IL1RAPL1: variants seen among roughly 807,000 people sequenced by gnomAD.
The protein encoded by IL1RAPL1 is interleukin 1 receptor accessory protein like 1.
In IL1RAPL1, 3 loss-of-function variants were observed where a neutral mutation model predicts 48.4. The ratio of observed to expected loss-of-function variants is 0.06; its 90% CI spans 0.03 to 0.16. The LOEUF (loss-of-function observed/expected upper bound fraction) is 0.16. Ranked by LOEUF, IL1RAPL1 falls within the 10% of genes least tolerant of loss-of-function variation. The pLI is 1.00. For synonymous variants in IL1RAPL1, 185 were observed against 187.7 expected, an observed-to-expected ratio of 0.99 and a Z score of 0.12; for missense variants, 349 against 530.6, an observed-to-expected ratio of 0.66 and a Z score of 3.36.
intron 2 of IL1RAPL1, among the ~76,000 whole-genome samples, chrX:28,948,388 C>A (rs772337501): frequency 9.0e-6 from 1 of 110,672 alleles, no homozygotes; most frequent in East Asian, 2.9e-4. Context: ...CTTCTTTAGA[C>A]CCATTCACTG....
At chrX:29,588,630 C>T (rs1313923739) in intron 5 of IL1RAPL1, among the ~76,000 whole-genome samples, 2 of 111,494 alleles carry the variant, frequency 1.8e-5, no homozygotes, top group Admixed American at 9.5e-5. Flanking sequence ...TACTATACTA[C>T]GATGGAAGAG....
rs191477057 is a variant in IL1RAPL1 at position 29,462,348 on chromosome X, G to T, written c.703+63040G>T. On this transcript the variant is annotated intron_variant, in intron 5 of 10. Coordinates refer to ENST00000378993, the MANE Select transcript of IL1RAPL1 (RefSeq NM_014271.4). ...CTGGCTTATAAGTTATAATTGCTCT[G>T]TGATAAAGGCGTATGCTTTCCTTCT... Among the ~76,000 whole-genome samples the T allele has an allele frequency of 1.3e-3, 148 of 111,437 alleles. 1 individual carries two copies. Among genetic ancestry groups the T allele is most frequent in the Middle Eastern group, 9.3e-3 (2 of 214 alleles).
intron 1 of IL1RAPL1, among the ~76,000 whole-genome samples, chrX:28,717,657 T>TA (rs1282988716): frequency 2.7e-5 from 3 of 111,235 alleles, no homozygotes; most frequent in Admixed American, 9.6e-5. Flanking sequence ...AATAAAAGAA[T>TA]AAAAAAAATC....
intron 5 of IL1RAPL1, among the ~76,000 whole-genome samples, chrX:29,468,453 T>C (rs1934886836): frequency 8.9e-6 from 1 of 112,373 alleles, no homozygotes; most frequent in South Asian, 3.7e-4. Flanking sequence ...TCTGCAGTAT[T>C]AATCCATCCT....
At chrX:29,056,155 C>T (rs1927209338) in intron 2 of IL1RAPL1, among the ~76,000 whole-genome samples, 1 of 111,121 alleles carries the variant, frequency 9.0e-6, no homozygotes, top group Non-Finnish European at 1.9e-5. Flanking sequence ...TATCAGAAAC[C>T]ATAGAAACTG....
rs151147441 is a variant in IL1RAPL1, at chrX:29,521,534, C to T, written c.703+122226C>T. On this transcript the variant is annotated intron_variant, in intron 5 of 10. Coordinates refer to ENST00000378993, the MANE Select transcript of IL1RAPL1 (RefSeq NM_014271.4). ...AAAAACATATCTAAAACACAAAGCCCGTGAACAGCACATGAAAGCTGGAAG... is the reference window on the plus strand; with the variant it reads ...AAAAACATATCTAAAACACAAAGCCTGTGAACAGCACATGAAAGCTGGAAG... Among the ~76,000 whole-genome samples the T allele has an allele frequency of 4.3e-3, 484 of 112,732 alleles. 2 individuals are homozygous for T. Among genetic ancestry groups the T allele is most frequent in the Non-Finnish European group, 7.5e-3 (398 of 53,329 alleles).
intron 6 of IL1RAPL1, among the ~76,000 whole-genome samples, chrX:29,677,561 G>T (rs1318168207): frequency 8.9e-6 from 1 of 111,894 alleles, no homozygotes; most frequent in Non-Finnish European, 1.9e-5. Context: ...ACCCCCATAA[G>T]TTTTCCCTGT....
chrX:29,228,136 CT>C (rs1218709695), intron 2 of IL1RAPL1, among the ~76,000 whole-genome samples: 2 of 104,607 alleles, frequency 1.9e-5, no homozygotes, highest in Non-Finnish European at 3.9e-5. Flanking sequence ...ATTCCAGAAA[CT>C]TTCCACGTGC....
intron 2 of IL1RAPL1, among the ~76,000 whole-genome samples, chrX:28,970,463 T>C (rs1404085960): frequency 8.9e-6 from 1 of 112,394 alleles, no homozygotes; most frequent in African/African-American, 3.2e-5. Flanking sequence ...GTATACTTTG[T>C]ATCAGTTATC....
At chrX:29,731,752 T>C (rs919579720) in intron 6 of IL1RAPL1, among the ~76,000 whole-genome samples, 5 of 112,117 alleles carry the variant, frequency 4.5e-5, no homozygotes, top group African/African-American at 1.6e-4. Context: ...CTTCCTCACT[T>C]ACTAAGCATG....
intron 5 of IL1RAPL1, among the ~76,000 whole-genome samples, chrX:29,432,672 AGGAATAGATAAGT>A (rs1303059036): frequency 8.9e-6 from 1 of 111,878 alleles, no homozygotes; most frequent in African/African-American, 3.2e-5. Flanking sequence ...TGCAGAGTAA[AGGAATAGATAAGT>A]GGAGAGATTT....
intron 6 of IL1RAPL1, among the ~76,000 whole-genome samples, chrX:29,680,492 G>GTC (rs1194521630): frequency 2.7e-4 from 30 of 110,772 alleles, no homozygotes; most frequent in African/African-American, 8.9e-4. Flanking sequence ...GCTGTTGTGT[G>GTC]TCTCTCTCTC....
intron 3 of IL1RAPL1, among the ~76,000 whole-genome samples, chrX:29,316,016 T>C (rs763513966): frequency 4.5e-5 from 5 of 111,951 alleles, no homozygotes; most frequent in Non-Finnish European, 7.5e-5. Flanking sequence ...TTTGAAAGTG[T>C]TGACTATAGG....
intron 2 of IL1RAPL1, among the ~76,000 whole-genome samples, chrX:29,122,423 A>T (rs1232401522): frequency 5.1e-5 from 5 of 98,206 alleles, no homozygotes; most frequent in African/African-American, 1.2e-4. Flanking sequence ...ACACACACAC[A>T]CACACACACA....
chrX:28,899,444 C>T (rs190736580), intron 2 of IL1RAPL1, among the ~76,000 whole-genome samples: 2 of 111,793 alleles, frequency 1.8e-5, no homozygotes, highest in East Asian at 5.7e-4. Context: ...AAGCATGAAC[C>T]GTGCCTGGCC....
At chrX:28,885,336 T>C (rs1160664030) in intron 2 of IL1RAPL1, among the ~76,000 whole-genome samples, 1 of 111,107 alleles carries the variant, frequency 9.0e-6, no homozygotes, top group Non-Finnish European at 1.9e-5. Context: ...TTTCAAGGAC[T>C]TTCGCAGTGT....
intron 2 of IL1RAPL1, among the ~76,000 whole-genome samples, chrX:28,812,171 C>T (rs1484993168): frequency 3.6e-5 from 4 of 110,698 alleles, no homozygotes; most frequent in African/African-American, 9.8e-5. Context: ...TATAAAGAAA[C>T]TTCTATGTGC....
At chrX:29,896,244 C>A (rs1932380744) in intron 6 of IL1RAPL1, among the ~76,000 whole-genome samples, 1 of 111,758 alleles carries the variant, frequency 8.9e-6, no homozygotes, top group Non-Finnish European at 1.9e-5. Flanking sequence ...TTACTTAGCA[C>A]CTGGTATGTG....
intron 6 of IL1RAPL1, among the ~76,000 whole-genome samples, chrX:29,751,770 A>G (rs933553061): frequency 1.5e-4 from 16 of 108,142 alleles, no homozygotes; most frequent in African/African-American, 5.4e-4. Context: ...ATCTCTACCA[A>G]ATTATTTTTT....
Sources: gnomAD v4.1 joint callset for allele counts (sites outside exome capture counted in the v4.1 genomes callset) on GRCh38, gnomAD v4.1.1 for gene constraint, MANE v1.5 for transcripts, NCBI Gene and HGNC (gene_info 2026-07-23, HGNC 2026-07-21) for gene names.